CACNA1C: variants seen among roughly 807,000 people sequenced by gnomAD.
CACNA1C encodes the protein calcium voltage-gated channel subunit alpha1 C.
In CACNA1C, 30 loss-of-function variants were observed where a neutral mutation model predicts 229.0. The ratio of observed to expected loss-of-function variants is 0.13; its 90% CI spans 0.10 to 0.18. The LOEUF (loss-of-function observed/expected upper bound fraction) is 0.18. Ranked by LOEUF, CACNA1C falls within the 10% of genes least tolerant of loss-of-function variation. The probability of loss-of-function intolerance (pLI) is 1.00; values close to 1 mark genes in which losing one functional copy is unlikely to be tolerated. For missense variants in CACNA1C, 1,658 were observed against 2,845.0 expected, an observed-to-expected ratio of 0.58 and a Z score of 9.49; for synonymous variants, 1,114 against 1,132.5, an observed-to-expected ratio of 0.98 and a Z score of 0.33.
chr12:2,463,066 C>T (rs1312455332), intron 5 of CACNA1C, among the ~76,000 whole-genome samples: 1 of 142,352 alleles, frequency 7.0e-6, no homozygotes, highest in Admixed American at 7.1e-5. Context: ...GCACCCGCCA[C>T]CACGCCCGGC....
intron 3 of CACNA1C, among the ~76,000 whole-genome samples, chr12:2,370,376 A>G (rs909886778): frequency 6.6e-6 from 1 of 152,220 alleles, no homozygotes; most frequent in African/African-American, 2.4e-5. Flanking sequence ...AAATAATTAG[A>G]CAAAGTTTTA....
intron 9 of CACNA1C, among the ~76,000 whole-genome samples, chr12:2,521,382 T>C (rs1043547799): frequency 1.3e-5 from 2 of 152,152 alleles, no homozygotes; most frequent in East Asian, 1.9e-4. Flanking sequence ...GCTGTGTTCC[T>C]GGGATCGCTG....
chr12:2,677,713 A>G lies in CACNA1C; in HGVS notation c.4957-20A>G, dbSNP rs2153790979. On this transcript the variant is annotated intron_variant, in intron 40 of 46. Coordinates refer to ENST00000399655, the MANE Select transcript of CACNA1C (RefSeq NM_000719.7). The surrounding 1 kb of genome is among the most constrained non-coding windows in gnomAD (Gnocchi z 7.4). Reference sequence around the variant, plus strand: ...GAGGAAAGGGAGCGTGGTCCTCACCATCCTCCCCTTGGATTCCAGGCTGGC... The same window carrying G: ...GAGGAAAGGGAGCGTGGTCCTCACCGTCCTCCCCTTGGATTCCAGGCTGGC... The G allele has an allele frequency of 1.9e-6, 3 of 1,609,984 alleles. No homozygotes were observed. The highest frequency in any genetic ancestry group is 2.5e-6 in the Non-Finnish European group (3 of 1,178,418).
At chr12:2,539,114 TG>T (rs1232761999) in intron 9 of CACNA1C, among the ~76,000 whole-genome samples, 6 of 152,240 alleles carry the variant, frequency 3.9e-5, no homozygotes, top group Non-Finnish European at 2.9e-5. Flanking sequence ...CTTTTGTCAG[TG>T]GGGATAATAA....
At chr12:2,056,212 T>A (rs927314838) in intron 1 of CACNA1C, among the ~76,000 whole-genome samples, 1 of 104,048 alleles carries the variant, frequency 9.6e-6, no homozygotes, top group African/African-American at 5.5e-5. Flanking sequence ...TGTGTGTGTG[T>A]GTGTGTGTGT....
chr12:2,496,787 G>A (rs1372893193), intron 7 of CACNA1C, among the ~76,000 whole-genome samples: 3 of 152,234 alleles, frequency 2.0e-5, no homozygotes, highest in Non-Finnish European at 2.9e-5. Context: ...GTGTGCAGAT[G>A]ACAGAATAAG....
chr12:2,238,441 T>C (rs1308709297), intron 3 of CACNA1C, among the ~76,000 whole-genome samples: 2 of 152,222 alleles, frequency 1.3e-5, no homozygotes, highest in Non-Finnish European at 2.9e-5. Context: ...TTCCTTGAGA[T>C]AGTGGTGAAC....
intron 13 of CACNA1C, among the ~76,000 whole-genome samples, chr12:2,572,058 T>A (rs1445058277): frequency 4.6e-5 from 5 of 109,338 alleles, no homozygotes; most frequent in Admixed American, 1.0e-4. Context: ...TTTTTTTTTT[T>A]ACAATGTAGT....
intron 7 of CACNA1C, among the ~76,000 whole-genome samples, chr12:2,501,809 C>T (rs1427416523): frequency 6.6e-6 from 1 of 152,272 alleles, no homozygotes; most frequent in African/African-American, 2.4e-5. Flanking sequence ...GGGATGGGGA[C>T]AGTGTCTGAC....
chr12:2,135,724 G>A lies in CACNA1C; in HGVS notation c.477+15294G>A, dbSNP rs1442572584. On this transcript the variant is annotated intron_variant, in intron 3 of 46. Coordinates refer to ENST00000399655, the MANE Select transcript of CACNA1C (RefSeq NM_000719.7). ...GCTCTCTTCAAAGCTGTCAGACAGG[G>A]ACATTTAAGTCTGCAGAAGTTACTG... Among the ~76,000 whole-genome samples, 3 of 146,076 alleles carry A rather than the reference G, an allele frequency of 2.1e-5. 1 individual carries two copies. Among genetic ancestry groups the A allele is most frequent in the African/African-American group, 5.4e-5 (2 of 37,302 alleles).
intron 34 of CACNA1C, among the ~76,000 whole-genome samples, chr12:2,662,212 A>C (rs561941089): frequency 1.1e-3 from 161 of 150,682 alleles, no homozygotes; most frequent in African/African-American, 3.7e-3. Flanking sequence ...ACTGCACTGC[A>C]GTCTGGGGGA....
intron 1 of CACNA1C, among the ~76,000 whole-genome samples, chr12:2,045,411 G>C (rs1442109665): frequency 6.6e-6 from 1 of 152,172 alleles, no homozygotes; most frequent in Non-Finnish European, 1.5e-5. Context: ...ATGGTCTTTG[G>C]GGTTTAAAGC....
chr12:2,422,416 C>G (rs1453109217), intron 3 of CACNA1C, among the ~76,000 whole-genome samples: 1 of 152,056 alleles, frequency 6.6e-6, no homozygotes, highest in African/African-American at 2.4e-5. Flanking sequence ...CCTTCTTTCC[C>G]CTTGGTGCCT....
chr12:2,688,857 C>G, intron 46 of CACNA1C, 78 bp downstream of exon 46: 1 of 1,202,744 alleles, frequency 8.3e-7, no homozygotes, highest in Non-Finnish European at 1.1e-6. Flanking sequence ...GAGAAGGGAG[C>G]ACCTGGCTCT....
rs1282696159 is a variant in CACNA1C, at chr12:1,971,982, T to G, written c.139+781T>G. ...ATCCATTCAATTAGGAAGTGGATGA[T>G]AAACACATAATTACATGGGTAAAAT... On this transcript the variant is annotated intron_variant, in intron 1 of 46. Coordinates refer to the CACNA1C transcript ENST00000682462. This position sits in a 1 kb window ranked among gnomAD's most constrained non-coding sequence, Gnocchi z 4.2. 3.9e-5 allele frequency among the ~76,000 whole-genome samples: 6 copies of G among 152,276 alleles called. No homozygotes were observed. Among genetic ancestry groups the G allele is most frequent in the Non-Finnish European group, 8.8e-5 (6 of 68,046 alleles).
chr12:2,523,822 C>G (rs2099814135), intron 9 of CACNA1C, among the ~76,000 whole-genome samples: 1 of 152,192 alleles, frequency 6.6e-6, no homozygotes, highest in Non-Finnish European at 1.5e-5. Context: ...CCCTTTGATC[C>G]ATTTTCTCCA....
Position 2,057,650 on chromosome 12 carries a change from G to A in CACNA1C, c.49+4039G>A, listed in dbSNP as rs377690027. On this transcript the variant is annotated intron_variant, in intron 1 of 46. Transcript: ENST00000399655. ...CTGTTGTAATGAGAACTCCTTTGGA[G>A]CCCACCCAGTCCGTCGCAGGCTCTT... Among the ~76,000 whole-genome samples, 28 of 152,336 alleles carry A rather than the reference G, an allele frequency of 1.8e-4. No individual in the cohort carries two copies. In the East Asian group the frequency reaches 4.6e-3, roughly 25 times the overall value.
At chr12:2,147,076 A>G (rs1178481143) in intron 3 of CACNA1C, among the ~76,000 whole-genome samples, 1 of 151,212 alleles carries the variant, frequency 6.6e-6, no homozygotes, top group Non-Finnish European at 1.5e-5. Context: ...TACTAGCTCT[A>G]TCCTTTCTCC....
intron 3 of CACNA1C, among the ~76,000 whole-genome samples, chr12:2,390,325 G>A (rs1450960466): frequency 6.6e-6 from 1 of 152,164 alleles, no homozygotes; most frequent in East Asian, 1.9e-4. Context: ...GCCAGGACAT[G>A]CAGTCATCCT....
Sources: allele counts gnomAD v4.1 joint callset (sites outside exome capture counted in the v4.1 genomes callset), GRCh38; gene constraint gnomAD v4.1.1; non-coding constraint Gnocchi (gnomAD v3.1); transcripts MANE v1.5; gene names NCBI Gene and HGNC (gene_info 2026-07-23, HGNC 2026-07-21).